Variants in FBXL18 observed in about 807,000 individuals in gnomAD.
FBXL18 encodes the protein F-box/LRR-repeat protein 18.
Under a neutral mutation model 46.0 loss-of-function variants are expected in FBXL18, and 36 were observed. The observed-to-expected ratio is 0.78, with a 90% CI of 0.60 to 1.03. The LOEUF is 1.03. Among genes scored for constraint, FBXL18 ranks in the 50% least tolerant of loss-of-function variants. FBXL18 has a pLI of 0.00. For missense variants in FBXL18, 977 were observed against 1,004.1 expected, an observed-to-expected ratio of 0.97 and a Z score of 0.36; for synonymous variants, 557 against 465.3, an observed-to-expected ratio of 1.20 and a Z score of -2.54.
chr7:5,465,198 C>T (rs1407981953), intron 4 of FBXL18, among the ~76,000 whole-genome samples: 2 of 151,992 alleles, frequency 1.3e-5, no homozygotes, highest in Non-Finnish European at 2.9e-5. Flanking sequence ...ATGATAGGTA[C>T]GATTTTATTG....
intron 4 of FBXL18, among the ~76,000 whole-genome samples, chr7:5,461,662 C>A (rs1427945693): frequency 1.3e-5 from 2 of 151,978 alleles, no homozygotes; most frequent in Non-Finnish European, 2.9e-5. Context: ...CAAAATTGGC[C>A]AGGCGCAGTG....
At chr7:5,485,265 A>T (rs1051360470) in intron 4 of FBXL18, among the ~76,000 whole-genome samples, 1 of 152,102 alleles carries the variant, frequency 6.6e-6, no homozygotes, top group Admixed American at 6.6e-5. Context: ...CCTGGGGCAG[A>T]GGGGGAGTCT....
At chr7:5,488,109 G>A (rs1337156378) in intron 4 of FBXL18, among the ~76,000 whole-genome samples, 1 of 152,222 alleles carries the variant, frequency 6.6e-6, no homozygotes, top group Non-Finnish European at 1.5e-5. Flanking sequence ...AAAACGCACC[G>A]TCCAACCGGG....
At chr7:5,505,742 T>A in intron 1 of FBXL18, 112 bp from the exon 2 acceptor site, 2 of 827,966 alleles carry the variant, frequency 2.4e-6, no homozygotes, top group South Asian at 3.4e-5. Context: ...AAAGAAGGTG[T>A]TTTTACTAAA....
In FBXL18 at chr7:5,481,000, G is replaced by A. The variant is rs1157121590; in HGVS notation, c.*775C>T. 2 of 149,936 alleles carry A rather than the reference G, an allele frequency of 1.3e-5. No homozygotes were observed. The highest frequency in any genetic ancestry group is 4.9e-5 in the African/African-American group (2 of 40,872). The allele number at this position is 149,936 out of a possible 1,614,324, so 9.3% of individuals were successfully genotyped here. The stretch of plus-strand genomic sequence containing the variant: ...AATGTGTATCGATTTCCCCAGGAAC[G>A]CGCATGGACCTTCCCAGGGAAGCTG... On this transcript the variant is annotated 3_prime_UTR_variant, in exon 5 of 5. Transcript: ENST00000382368.
At chr7:5,497,574 G>A (rs10951958) in intron 3 of FBXL18, among the ~76,000 whole-genome samples, 24,569 of 152,184 alleles carry the variant, frequency 0.16, 2,240 homozygotes, top group African/African-American at 0.24. Flanking sequence ...CTGCATGGCC[G>A]GGGGACTCCA....
intron 3 of FBXL18, 64 bp from the exon 4 acceptor site, chr7:5,491,513 G>A (rs957493942): frequency 3.8e-5 from 53 of 1,382,308 alleles, no homozygotes; most frequent in East Asian, 3.7e-4. Context: ...CCAGCTGGGC[G>A]TCTGGAGGTG....
chr7:5,493,666 T>C (rs941224064), intron 3 of FBXL18, among the ~76,000 whole-genome samples: 1 of 89,520 alleles, frequency 1.1e-5, no homozygotes, highest in South Asian at 4.3e-4. Context: ...TGTGTGTGTG[T>C]GCGTGCGTGC....
chr7:5,505,315 T>C (rs1308650724), intron 2 of FBXL18, 97 bp downstream of exon 2: 3 of 1,168,792 alleles, frequency 2.6e-6, no homozygotes, highest in Non-Finnish European at 2.4e-6. Context: ...CCTGCCACCT[T>C]TATATCAGCA....
chr7:5,492,029 G>T (rs1160248025), intron 3 of FBXL18, among the ~76,000 whole-genome samples: 2 of 151,540 alleles, frequency 1.3e-5, no homozygotes, highest in African/African-American at 4.9e-5. Flanking sequence ...GGAGGACAGC[G>T]CTGGATGGCT....
chr7:5,485,556 G>A (rs1783749983), intron 4 of FBXL18, among the ~76,000 whole-genome samples: 1 of 152,096 alleles, frequency 6.6e-6, no homozygotes, highest in South Asian at 2.1e-4. Flanking sequence ...GCTCACGCCT[G>A]TAATCCCAGC....
intron 4 of FBXL18, among the ~76,000 whole-genome samples, chr7:5,460,790 C>T (rs1211082730): frequency 6.6e-6 from 1 of 152,182 alleles, no homozygotes; most frequent in Non-Finnish European, 1.5e-5. Context: ...GGGACGTGCA[C>T]CCGGGCCTCC....
chr7:5,498,137 G>A lies in FBXL18; in HGVS notation c.1781+2351C>T, dbSNP rs192521995. Among the ~76,000 whole-genome samples the A allele has an allele frequency of 4.1e-5, 6 of 146,686 alleles. No homozygotes were observed. In the Admixed American group the frequency reaches 4.1e-4, roughly 10 times the overall value. On this transcript the variant is annotated intron_variant, in intron 3 of 4. Coordinates refer to ENST00000382368, the MANE Select transcript of FBXL18 (RefSeq NM_024963.6). ...ACTCTGTCACCCATGCTGGAGTGCA[G>A]CGGCCAGTGGCGCGATCTCGGCTCA... is the stretch of plus-strand genomic sequence containing the variant.
At chr7:5,488,747 T>C (rs1783839531) in intron 4 of FBXL18, among the ~76,000 whole-genome samples, 1 of 152,218 alleles carries the variant, frequency 6.6e-6, no homozygotes, top group African/African-American at 2.4e-5. Flanking sequence ...CCCGAGGCTC[T>C]TCCCACATCT....
chr7:5,466,959 G>C (rs770311228), intron 4 of FBXL18, among the ~76,000 whole-genome samples: 6 of 152,200 alleles, frequency 3.9e-5, no homozygotes, highest in Admixed American at 6.5e-5. Flanking sequence ...GCTCACTCCT[G>C]TAATCCCAGC....
chr7:5,457,348 C>G (rs1310372369), intron 4 of FBXL18, among the ~76,000 whole-genome samples: 1 of 152,194 alleles, frequency 6.6e-6, no homozygotes, highest in Non-Finnish European at 1.5e-5. Context: ...ATCCCACAGC[C>G]CAGCTGGCTG....
downstream of FBXL18, among the ~76,000 whole-genome samples, chr7:5,473,739 C>T (rs1381940859): frequency 4.9e-5 from 7 of 141,640 alleles, no homozygotes; most frequent in South Asian, 4.4e-4. Flanking sequence ...CCAGCCTGGG[C>T]GACAGAATGG....
intron 4 of FBXL18, among the ~76,000 whole-genome samples, chr7:5,484,005 C>T (rs966470644): frequency 3.9e-5 from 6 of 152,178 alleles, no homozygotes; most frequent in Admixed American, 1.3e-4. Context: ...GCAATAAAGA[C>T]GCCATCACAC....
chr7:5,488,297 G>A (rs895918197), intron 4 of FBXL18, among the ~76,000 whole-genome samples: 2 of 152,178 alleles, frequency 1.3e-5, no homozygotes, highest in Admixed American at 6.5e-5. Flanking sequence ...GCTGGCATCC[G>A]GTGCCACGTC....
Sources: allele counts gnomAD v4.1 joint callset (sites outside exome capture counted in the v4.1 genomes callset), GRCh38; gene constraint gnomAD v4.1.1; transcripts MANE v1.5; gene names NCBI Gene and HGNC (gene_info 2026-07-23, HGNC 2026-07-21).